The following SETBP1 variants were observed in gnomAD, a reference collection of about 807,000 sequenced individuals.
SETBP1 encodes SET-binding protein.
SETBP1 carries 9 observed loss-of-function variants against 101.0 expected under a neutral mutation model. The observed-to-expected ratio is 0.09, with a 90% CI of 0.05 to 0.16. The LOEUF (loss-of-function observed/expected upper bound fraction) is 0.16, where lower values mean the gene tolerates loss of function less well. Ranked by LOEUF, SETBP1 falls within the 10% of genes least tolerant of loss-of-function variation. The probability of loss-of-function intolerance (pLI) is 1.00; values close to 1 mark genes in which losing one functional copy is unlikely to be tolerated. For missense variants in SETBP1, 1,858 were observed against 2,033.8 expected (o/e 0.91, Z 1.66); for synonymous variants, 818 against 788.5 (o/e 1.04, Z -0.63).
intron 2 of SETBP1, among the ~76,000 whole-genome samples, chr18:44,778,165 A>T (rs1000828622): frequency 3.3e-5 from 5 of 152,140 alleles, no homozygotes; most frequent in Admixed American, 6.5e-5. Context: ...GGAGGCATTG[A>T]TACTGAGCTG....
intron 4 of SETBP1, among the ~76,000 whole-genome samples, chr18:45,015,831 T>G (rs778977737): frequency 6.6e-6 from 1 of 152,206 alleles, no homozygotes; most frequent in Non-Finnish European, 1.5e-5. Context: ...ATCATTTCTT[T>G]TACAGAGAGA....
chr18:44,839,957 C>T (rs935652698), intron 2 of SETBP1, among the ~76,000 whole-genome samples: 1 of 152,210 alleles, frequency 6.6e-6, no homozygotes. Context: ...AGCAGGAAAA[C>T]GTAAGAAGGA....
intron 2 of SETBP1, among the ~76,000 whole-genome samples, chr18:44,846,542 A>G (rs556171614): frequency 6.6e-6 from 1 of 152,324 alleles, no homozygotes; most frequent in South Asian, 2.1e-4. Flanking sequence ...TGAATCTGTG[A>G]ATTGAAATAT....
At chr18:44,869,706 A>G (rs1009793754) in intron 3 of SETBP1, 3 of 296,876 alleles carry the variant, frequency 1.0e-5, no homozygotes, top group East Asian at 8.2e-5. Context: ...CTGATAGCCA[A>G]GTTAATCTCA....
chr18:44,716,714 C>T (rs1279197040), intron 2 of SETBP1, among the ~76,000 whole-genome samples: 2 of 152,160 alleles, frequency 1.3e-5, no homozygotes, highest in East Asian at 3.9e-4. Flanking sequence ...AGGCATTTGC[C>T]ACCATGCCCG....
intron 3 of SETBP1, among the ~76,000 whole-genome samples, chr18:44,947,945 G>C (rs2071247594): frequency 6.6e-6 from 1 of 152,202 alleles, no homozygotes; most frequent in African/African-American, 2.4e-5. Context: ...AGTAAACACA[G>C]AGTGCCAGCT....
intron 2 of SETBP1, among the ~76,000 whole-genome samples, chr18:44,759,226 T>C (rs1380188211): frequency 6.6e-6 from 1 of 152,166 alleles, no homozygotes; most frequent in Non-Finnish European, 1.5e-5. Context: ...ATTTTACCCA[T>C]AGTGGTCCAT....
chr18:44,823,224 C>A (rs1238353490), intron 2 of SETBP1, among the ~76,000 whole-genome samples: 1 of 152,310 alleles, frequency 6.6e-6, no homozygotes, highest in East Asian at 1.9e-4. Flanking sequence ...CCAGCAGAGT[C>A]AAAATCTTAG....
At chr18:44,680,137 A>C (rs2144065993), upstream of SETBP1, 1 of 138,646 alleles carries the variant, frequency 7.2e-6, no homozygotes, top group African/African-American at 2.6e-5. Flanking sequence ...CTCTCCATAA[A>C]TCGGTGGCGC....
intron 2 of SETBP1, among the ~76,000 whole-genome samples, chr18:44,724,357 A>T (rs1843985070): frequency 1.4e-5 from 2 of 145,606 alleles, no homozygotes; most frequent in Admixed American, 1.4e-4. Context: ...CTTACAGCCA[A>T]CCCCTGAGCC....
intron 2 of SETBP1, among the ~76,000 whole-genome samples, chr18:44,770,633 C>T (rs1434448320): frequency 6.6e-6 from 1 of 152,106 alleles, no homozygotes; most frequent in Non-Finnish European, 1.5e-5. Context: ...ATTTTTCAGC[C>T]TTAATTGTTC....
intron 4 of SETBP1, among the ~76,000 whole-genome samples, chr18:44,978,277 AT>A (rs2072035341): frequency 6.6e-6 from 1 of 152,082 alleles, no homozygotes; most frequent in Non-Finnish European, 1.5e-5. Flanking sequence ...CACCACATTT[AT>A]TTCCTGCCAT....
chr18:45,013,860 C>G (rs1479901633), intron 4 of SETBP1, among the ~76,000 whole-genome samples: 1 of 152,176 alleles, frequency 6.6e-6, no homozygotes, highest in Non-Finnish European at 1.5e-5. Context: ...ACTCACCCAC[C>G]ATGTTTCTTT....
chr18:44,828,185 T>C (rs1743462637), intron 2 of SETBP1, among the ~76,000 whole-genome samples: 1 of 152,132 alleles, frequency 6.6e-6, no homozygotes. Flanking sequence ...AAAAAAAAGA[T>C]CAGCACAGTG....
chr18:44,831,686 A>G (rs78955132), intron 2 of SETBP1, among the ~76,000 whole-genome samples: 9,383 of 152,306 alleles, frequency 0.062, 392 homozygotes, highest in East Asian at 0.13. Flanking sequence ...ATATAAGGTG[A>G]ACACTCTTCA....
At chr18:44,878,431 G>C (rs144465081) in intron 3 of SETBP1, among the ~76,000 whole-genome samples, 60 of 151,814 alleles carry the variant, frequency 4.0e-4, no homozygotes, top group African/African-American at 1.4e-3. Context: ...TGGGGTTATT[G>C]ATGTTTTGTA....
At chr18:44,852,386 C>CA (rs2072888181) in intron 2 of SETBP1, among the ~76,000 whole-genome samples, 1 of 152,194 alleles carries the variant, frequency 6.6e-6, no homozygotes, top group Admixed American at 6.5e-5. Flanking sequence ...ACCATTGCTG[C>CA]AAACATGCAG....
chr18:44,833,465 G>T (rs182186912), intron 2 of SETBP1, among the ~76,000 whole-genome samples: 1 of 152,202 alleles, frequency 6.6e-6, no homozygotes, highest in African/African-American at 2.4e-5. Flanking sequence ...AGACTGGGAA[G>T]TACAGGCATG....
At chr18:44,881,395 G>A (rs1230235843) in intron 3 of SETBP1, among the ~76,000 whole-genome samples, 3 of 152,152 alleles carry the variant, frequency 2.0e-5, no homozygotes, top group Non-Finnish European at 2.9e-5. Context: ...GAGACTGCAG[G>A]CATCTAGAGA....
Sources: gnomAD v4.1 joint callset for allele counts (sites outside exome capture counted in the v4.1 genomes callset) on GRCh38, gnomAD v4.1.1 for gene constraint, MANE v1.5 for transcripts, NCBI Gene and HGNC (gene_info 2026-07-23, HGNC 2026-07-21) for gene names.